The following RTEL1 variants were observed in gnomAD, a reference collection of about 807,000 sequenced individuals.
RTEL1 encodes regulator of telomere length.
RTEL1 carries 86 observed loss-of-function variants against 162.2 expected under a neutral mutation model. That is an observed-to-expected ratio of 0.53 (90% CI 0.45 to 0.63). The LOEUF (loss-of-function observed/expected upper bound fraction) is 0.63. RTEL1 is among the 30% of genes least tolerant of loss of function. The pLI is 0.00. For synonymous variants in RTEL1, 958 were observed against 717.9 expected (o/e 1.33, Z -5.35); for missense variants, 1,941 against 1,750.2 (o/e 1.11, Z -1.95).
In RTEL1 at chr20:63,661,752, C is replaced by A; in HGVS notation, c.302-98C>A. On this transcript the variant is annotated intron_variant, in intron 3 of 34. Transcript: ENST00000360203. The surrounding 1 kb of genome is among the most constrained non-coding windows in gnomAD (Gnocchi z 5.1). Reference sequence around the variant, plus strand: ...AGTATCTGGGGTGTCAGATTCTTGGCTGTCTGCAGGGCCGAGTTAGCCGAA... The same window carrying A: ...AGTATCTGGGGTGTCAGATTCTTGGATGTCTGCAGGGCCGAGTTAGCCGAA... 1 of 1,114,774 alleles carries A rather than the reference C, an allele frequency of 9.0e-7. No homozygotes were observed. Among genetic ancestry groups the A allele is most frequent in the Non-Finnish European group, 1.4e-6 (1 of 737,342 alleles). The allele number at this position is 1,114,774 out of a possible 1,614,324, so 69.1% of individuals were successfully genotyped here. A position where few individuals can be genotyped will look rare whatever the true frequency, so the allele number is the denominator to read the frequency against.
At chr20:63,689,459 G>T in intron 22 of RTEL1, 43 bp from the exon 23 acceptor site, 1 of 1,485,524 alleles carries the variant, frequency 6.7e-7, no homozygotes, top group Non-Finnish European at 9.0e-7. Context: ...ACCAGGGAGA[G>T]GAGCCCCCAC....
chr20:63,695,686 A>C, intron 34 of RTEL1, 36 bp downstream of exon 34: 1 of 1,610,110 alleles, frequency 6.2e-7, no homozygotes, highest in Non-Finnish European at 8.5e-7. Flanking sequence ...TGCTGGGTGT[A>C]GCCCCAGGTG....
intron 14 of RTEL1, chr20:63,682,457 C>T (rs780304431): frequency 8.1e-6 from 8 of 985,264 alleles, no homozygotes; most frequent in East Asian, 2.3e-4. Flanking sequence ...GATCCTGGAA[C>T]GTGGCCTCCC....
At position 63,661,932 on chromosome 20, in the gene RTEL1, C is replaced by T. The variant is rs145001682; in HGVS notation, c.384C>T (p.Asn128=). 1.2e-6 allele frequency: 2 copies of T among 1,613,816 alleles called. No homozygotes were observed. Among genetic ancestry groups the T allele is most frequent in the Middle Eastern group, 1.6e-4 (1 of 6,062 alleles). The change falls in exon 4 of 35, where the codon AAC becomes AAT. Residue 128 remains asparagine (N), a synonymous_variant. Coordinates refer to ENST00000360203, the MANE Select transcript of RTEL1 (RefSeq NM_001283009.2). This position sits in a 1 kb window ranked among gnomAD's most constrained non-coding sequence, Gnocchi z 5.1. ...CACAGGTCATCAACGAGCTTCGGAA[C>T]ACCTCCTACCGGTGGGTCAGACGAG... ...QLTQVINELR[N]TSYRPKVCVL...
At position 63,678,770 on chromosome 20, in the gene RTEL1, C is replaced by T. The variant is rs528404363; in HGVS notation, c.1037+424C>T. The stretch of plus-strand genomic sequence containing the variant: ...TCCCACGGAACGGCACACTCTCCCA[C>T]GGAACAGCACACTCTCCCACGGAAC... On this transcript the variant is annotated intron_variant, in intron 12 of 34. Transcript: ENST00000360203. 1.1e-4 allele frequency among the ~76,000 whole-genome samples: 15 copies of T among 137,922 alleles called. 3 individuals carry two copies. Among genetic ancestry groups the T allele is most frequent in the Admixed American group, 2.1e-4 (3 of 13,958 alleles). 90.5% of individuals were successfully genotyped at this position (137,922 alleles called of 152,430 possible).
At position 63,692,810 on chromosome 20, in the gene RTEL1, G is replaced by A. The variant is rs775722854; in HGVS notation, c.2658G>A (p.Glu886=). Reference sequence around the variant, plus strand: ...CTCGGGCCTGTGTCCTGCAGGAGGAGCCCGTGGCTGGTGCACAGACGGACA... The same window carrying A: ...CTCGGGCCTGTGTCCTGCAGGAGGAACCCGTGGCTGGTGCACAGACGGACA... The part of the protein sequence containing the change: ...KKIRLVSHPE[E]PVAGAQTDRA... Residue 886 remains glutamate, a synonymous_variant, in exon 29 of 35, where the codon GAG becomes GAA. Coordinates refer to ENST00000360203, the MANE Select transcript of RTEL1 (RefSeq NM_001283009.2). 6.2e-7 allele frequency: 1 copy of A among 1,610,494 alleles called. No homozygotes were observed. The highest frequency in any genetic ancestry group is 8.5e-7 in the Non-Finnish European group (1 of 1,178,370).
chr20:63,686,892 T>C, intron 16 of RTEL1: 1 of 164,944 alleles, frequency 6.1e-6, no homozygotes, highest in Non-Finnish European at 1.3e-5. Context: ...CTGATGTCAC[T>C]TGACTTCTCA....
At chr20:63,681,999 C>T (rs1306742643) in intron 14 of RTEL1, 1 of 985,446 alleles carries the variant, frequency 1.0e-6, no homozygotes, top group Non-Finnish European at 1.2e-6. Context: ...TTCCATGTCC[C>T]TGATGGGTCA....
intron 11 of RTEL1, 28 bp downstream of exon 11, chr20:63,678,211 C>CAGCTGGGTGGGGCCTCCTCCTTGCGAGG (rs756196036): frequency 3.5e-4 from 566 of 1,613,358 alleles, no homozygotes; most frequent in Non-Finnish European, 4.7e-4. Flanking sequence ...CGCCTCCTTG[C>CAGCTGGGTGGGGCCTCCTCCTTGCGAGG]AGCTGGGTGG....
At position 63,674,063 on chromosome 20, in the gene RTEL1, C is replaced by G. The variant is rs368913453; in HGVS notation, c.889C>G (p.Pro297Ala). ...GGCAGCGCAGCAGGGTGAGCCCCACCCGGAGTTCAGCGCGGACTCCCCCAG... is the reference window on the plus strand; with the variant it reads ...GGCAGCGCAGCAGGGTGAGCCCCACGCGGAGTTCAGCGCGGACTCCCCCAG... ...TKAAQQGEPHPEFSADSPSPG... is the reference protein window; with the variant it reads ...TKAAQQGEPHAEFSADSPSPG... Residue 297 changes from proline to alanine, a missense_variant, in exon 10 of 35, where the codon CCG becomes GCG. Transcript: ENST00000360203. The G allele has an allele frequency of 1.9e-6, 3 of 1,613,324 alleles. No homozygotes were observed. In the African/African-American group the frequency reaches 4.0e-5, roughly 22 times the overall value.
At chr20:63,667,237 T>G (rs922124299) in intron 7 of RTEL1, among the ~76,000 whole-genome samples, 2 of 152,116 alleles carry the variant, frequency 1.3e-5, no homozygotes, top group African/African-American at 4.8e-5. Context: ...AGACGACGAT[T>G]TACATGGTCG....
At position 63,690,539 on chromosome 20, in the gene RTEL1, G is replaced by T. The variant is rs1601172424; in HGVS notation, c.2413+98G>T. ...CGCCCAGGGCGGAGGCGACTCACCT[G>T]GCTTTGTGCGCTTCCCCTCCCACCT... On this transcript the variant is annotated intron_variant, in intron 26 of 34. Coordinates refer to ENST00000360203, the MANE Select transcript of RTEL1 (RefSeq NM_001283009.2). 3.6e-6 allele frequency: 5 copies of T among 1,388,344 alleles called. No homozygotes were observed. In the East Asian group the frequency reaches 1.2e-4, roughly 34 times the overall value. 86.0% of individuals were successfully genotyped at this position (1,388,344 alleles called of 1,614,324 possible).
chr20:63,687,265 A>C, intron 16 of RTEL1: 7 of 208,778 alleles, frequency 3.4e-5, no homozygotes, highest in Non-Finnish European at 6.7e-5. Flanking sequence ...CGGCCGTGGA[A>C]TGTCGGGATG....
intron 27 of RTEL1, among the ~76,000 whole-genome samples, chr20:63,691,540 C>T (rs1272132512): frequency 2.0e-5 from 3 of 152,152 alleles, no homozygotes; most frequent in East Asian, 1.9e-4. Flanking sequence ...AAGTCACCAC[C>T]TGCGAGCCTC....
intron 20 of RTEL1, 26 bp downstream of exon 20, chr20:63,688,412 G>C (rs1319297620): frequency 3.7e-6 from 6 of 1,609,938 alleles, no homozygotes; most frequent in Non-Finnish European, 5.1e-6. Flanking sequence ...GTTCTGGGCG[G>C]GGTGGGTGAG....
At position 63,672,588 on chromosome 20, in the gene RTEL1, G is replaced by T. The variant is rs919917378; in HGVS notation, c.732G>T (p.Gly244=). 6.3e-7 allele frequency: 1 copy of T among 1,587,524 alleles called. No homozygotes were observed. Among genetic ancestry groups the T allele is most frequent in the Non-Finnish European group, 8.6e-7 (1 of 1,164,932 alleles). Residue 244 remains glycine, a synonymous_variant, in exon 9 of 35, where the codon GGG becomes GGT. Coordinates refer to ENST00000360203, the MANE Select transcript of RTEL1 (RefSeq NM_001283009.2). ...GAGCACACAACATTGACCTGAAGGG[G>T]ACAGTCGTGATCTTTGACGAAGCTC... is the stretch of plus-strand genomic sequence containing the variant. ...SRRAHNIDLK[G]TVVIFDEAHN... is the part of the protein sequence containing the mutation.
Position 63,678,272 on chromosome 20 carries a change from C to G in RTEL1, c.963C>G (p.Ile321Met). ...TGACACCTCCTCGACCCACAGTGAT[C>G]CTGCTGCGCCTGGAGGGGGCCATCG... ...ELEDIAKLKM[I>M]LLRLEGAIDA... The change falls in exon 12 of 35, where the codon ATC (isoleucine) becomes ATG (methionine). Residue 321 changes from isoleucine to methionine, a missense_variant. Coordinates refer to ENST00000360203, the MANE Select transcript of RTEL1 (RefSeq NM_001283009.2). The G allele has an allele frequency of 6.2e-7, 1 of 1,612,380 alleles. No individual in the cohort carries two copies. Among genetic ancestry groups the G allele is most frequent in the Non-Finnish European group, 8.5e-7 (1 of 1,178,962 alleles).
At chr20:63,693,064 G>C (rs1363200720) in intron 29 of RTEL1, 61 bp downstream of exon 29, 4 of 1,609,560 alleles carry the variant, frequency 2.5e-6, no homozygotes, top group Admixed American at 1.7e-5. Flanking sequence ...GTGTGGGGTG[G>C]GGGCCATCTG....
intron 7 of RTEL1, among the ~76,000 whole-genome samples, chr20:63,667,040 C>G (rs183375482): frequency 1.1e-4 from 16 of 150,658 alleles, no homozygotes; most frequent in East Asian, 4.0e-4. Flanking sequence ...GGGGTTTCAC[C>G]GTGTTAGCCA....
Sources: allele counts gnomAD v4.1 joint callset (sites outside exome capture counted in the v4.1 genomes callset), GRCh38; gene constraint gnomAD v4.1.1; non-coding constraint Gnocchi (gnomAD v3.1); transcripts MANE v1.5; gene names NCBI Gene and HGNC (gene_info 2026-07-23, HGNC 2026-07-21).